EPB41: variants seen among roughly 807,000 people sequenced by gnomAD.
The protein encoded by EPB41 is protein 4.1.
Under a neutral mutation model 108.0 loss-of-function variants are expected in EPB41, and 65 were observed. That is an observed-to-expected ratio of 0.60 (90% CI 0.49 to 0.74). EPB41 has a LOEUF of 0.74. Ranked by LOEUF, EPB41 falls within the 30% of genes least tolerant of loss-of-function variation. The pLI is 0.00. For missense variants in EPB41, 875 were observed against 1,037.0 expected (o/e 0.84, Z 2.15); for synonymous variants, 336 against 358.9 (o/e 0.94, Z 0.72).
chr1:29,080,263 C>T (rs867750848), intron 16 of EPB41, among the ~76,000 whole-genome samples: 302 of 151,900 alleles, frequency 2.0e-3, no homozygotes, highest in African/African-American at 7.0e-3. Context: ...GGATTACAGA[C>T]GCGAACCACC....
chr1:28,999,155 G>A (rs965166762), intron 4 of EPB41, among the ~76,000 whole-genome samples: 2 of 152,158 alleles, frequency 1.3e-5, no homozygotes, highest in African/African-American at 2.4e-5. Flanking sequence ...CGGATCACGA[G>A]GTCAGGAGAT....
At chr1:28,947,323 G>GCTTGAT (rs1260078192) in intron 1 of EPB41, among the ~76,000 whole-genome samples, 12 of 151,492 alleles carry the variant, frequency 7.9e-5, no homozygotes, top group Non-Finnish European at 1.8e-4. Context: ...CAGGAGAATC[G>GCTTGAT]CTTGATCTCG....
chr1:29,037,727 G>A (rs1041011855), intron 10 of EPB41, among the ~76,000 whole-genome samples: 1 of 151,642 alleles, frequency 6.6e-6, no homozygotes, highest in African/African-American at 2.4e-5. Flanking sequence ...AGTAGAGACC[G>A]GGTTTCACCA....
chr1:29,111,848 G>A (rs569214455), intron 18 of EPB41, among the ~76,000 whole-genome samples: 4 of 151,212 alleles, frequency 2.6e-5, no homozygotes, highest in East Asian at 1.9e-4. Context: ...ATGGTGGTGC[G>A]TGCCTGTAGT....
In EPB41 at chr1:29,119,994, TCTTG is replaced by T. The variant is rs1397830183; in HGVS notation, c.*3186_*3189del. 2.0e-5 allele frequency: 3 copies of T among 152,634 alleles called. No individual in the cohort carries two copies. Among genetic ancestry groups the T allele is most frequent in the African/African-American group, 4.8e-5 (2 of 41,446 alleles). 9.5% of individuals were successfully genotyped at this position (152,634 alleles called of 1,614,324 possible). On this transcript the variant is annotated 3_prime_UTR_variant, in exon 21 of 21. Transcript: ENST00000343067. ...TTGTAGTGTTTAGATATCTGTTTGG[TCTTG>T]CTTCTTGTATTGCATTTTTTTCAAT...
intron 1 of EPB41, among the ~76,000 whole-genome samples, chr1:28,969,389 T>C (rs6656832): frequency 0.45 from 67,644 of 151,864 alleles, 17,646 homozygotes; most frequent in East Asian, 0.85. Flanking sequence ...CCAGCCCATG[T>C]CTTACTTTTC....
At chr1:29,002,461 AAAAG>A (rs2096314545) in intron 4 of EPB41, among the ~76,000 whole-genome samples, 1 of 152,044 alleles carries the variant, frequency 6.6e-6, no homozygotes, top group Non-Finnish European at 1.5e-5. Context: ...AAAAAAAAAA[AAAAG>A]ATAGTATTAT....
intron 7 of EPB41, among the ~76,000 whole-genome samples, chr1:29,027,466 G>T (rs548976745): frequency 6.7e-6 from 1 of 150,348 alleles, no homozygotes; most frequent in African/African-American, 2.4e-5. Context: ...CAAGTAGCTG[G>T]GATTACAGGC....
At chr1:29,043,209 GA>G (rs1265228840) in intron 11 of EPB41, among the ~76,000 whole-genome samples, 1 of 152,204 alleles carries the variant, frequency 6.6e-6, no homozygotes, top group African/African-American at 2.4e-5. Context: ...GGGGATGGGG[GA>G]AATTAAGGAG....
At chr1:29,062,627 C>T (rs1446205072) in intron 15 of EPB41, among the ~76,000 whole-genome samples, 1 of 151,734 alleles carries the variant, frequency 6.6e-6, no homozygotes. Context: ...AGGAAGTTCT[C>T]TCAAGTTATC....
chr1:28,901,218 T>C lies in EPB41; in HGVS notation c.-8+14008T>C, dbSNP rs143640559. On this transcript the variant is annotated intron_variant, in intron 1 of 16. Transcript: ENST00000347529. ...TGCTGGGATTACAGGCGTGAGCCAC[T>C]GCACCCGGCTATTTATTTACTTTTT... 9.0e-3 allele frequency among the ~76,000 whole-genome samples: 1,104 copies of C among 123,244 alleles called. 83 individuals are homozygous for C. The highest frequency in any genetic ancestry group is 0.032 in the Middle Eastern group (8 of 252). The allele number at this position is 123,244 out of a possible 152,430, so 80.9% of individuals were successfully genotyped here. A position where few individuals can be genotyped will look rare whatever the true frequency, so the allele number is the denominator to read the frequency against.
intron 1 of EPB41, among the ~76,000 whole-genome samples, chr1:28,949,973 TATA>T (rs1382828407): frequency 6.6e-6 from 1 of 152,224 alleles, no homozygotes; most frequent in Admixed American, 6.5e-5. Flanking sequence ...TTTACTGTGG[TATA>T]ATATTCCATT....
Position 28,987,874 on chromosome 1 carries a change from A to C in EPB41, c.437A>C (p.Asp146Ala). The C allele has an allele frequency of 6.2e-7, 1 of 1,614,210 alleles. No homozygotes were observed. Residue 146 changes from aspartate to alanine, a missense_variant, in exon 2 of 21, where the codon GAT (aspartate) becomes GCT (alanine). Physicochemically the swap from Asp to Ala is moderately radical, Grantham distance 126 (BLOSUM62 -2). Transcript: ENST00000343067. ...GAACTCAAAACAGACCCATCTTTGG[A>C]TCTTCATTCATTAAGCAGTGCAGAA... ...EPELKTDPSL[D>A]LHSLSSAETQ... is the part of the protein sequence containing the mutation.
rs71586885 is a variant in EPB41 at position 29,051,088 on chromosome 1, GTTTTTTTTTTTTT to G, written c.1637-1999_1637-1987del. ...AGCATTTCTTTCTTTTTCTTTTTCT[GTTTTTTTTTTTTT>G]TTTTTTTTTTTTTTTTGGAGACAGT... On this transcript the variant is annotated intron_variant, in intron 11 of 20. Coordinates refer to ENST00000343067, the MANE Select transcript of EPB41 (RefSeq NM_001376013.1). 1.5e-3 allele frequency among the ~76,000 whole-genome samples: 76 copies of G among 51,584 alleles called. 1 individual carries two copies. The highest frequency in any genetic ancestry group is 2.4e-3 in the South Asian group (2 of 822). The allele number at this position is 51,584 out of a possible 152,430, so 33.8% of individuals were successfully genotyped here.
Position 28,993,630 on chromosome 1 carries a change from A to T in EPB41, c.681+88A>T. On this transcript the variant is annotated intron_variant, in intron 3 of 20. Transcript: ENST00000343067. Reference sequence around the variant, plus strand: ...AAGTGGTGATTTTGCCCACGATAAGACTCACTGTAGTGATTATTTCTTTTT... The same window carrying T: ...AAGTGGTGATTTTGCCCACGATAAGTCTCACTGTAGTGATTATTTCTTTTT... The T allele has an allele frequency of 3.6e-6, 4 of 1,126,232 alleles. No individual in the cohort carries two copies. In the Admixed American group the frequency reaches 5.2e-5, roughly 15 times the overall value. The allele number at this position is 1,126,232 out of a possible 1,614,324, so 69.8% of individuals were successfully genotyped here.
chr1:28,963,999 T>C (rs2095294198), intron 1 of EPB41, among the ~76,000 whole-genome samples: 1 of 152,338 alleles, frequency 6.6e-6, no homozygotes, highest in Admixed American at 6.5e-5. Flanking sequence ...TTTTCTTCCA[T>C]CTCAACAAAC....
intron 16 of EPB41, chr1:29,072,644 C>T (rs970780275): frequency 1.3e-5 from 2 of 152,118 alleles, no homozygotes; most frequent in Non-Finnish European, 2.9e-5. Context: ...AAGGAGAGGC[C>T]ATTTCTTCTA....
intron 16 of EPB41, among the ~76,000 whole-genome samples, chr1:29,088,245 C>T (rs1328320949): frequency 6.6e-6 from 1 of 151,996 alleles, no homozygotes; most frequent in Non-Finnish European, 1.5e-5. Context: ...CGGGGTTTCG[C>T]CATGTTGGCT....
At chr1:28,995,203 C>T (rs2096137739) in intron 3 of EPB41, among the ~76,000 whole-genome samples, 1 of 152,004 alleles carries the variant, frequency 6.6e-6, no homozygotes, top group Admixed American at 6.6e-5. Context: ...TCTTCCCATT[C>T]AGACCAAGAT....
Sources: gnomAD v4.1 joint callset for allele counts (sites outside exome capture counted in the v4.1 genomes callset) on GRCh38, gnomAD v4.1.1 for gene constraint, MANE v1.5 for transcripts, NCBI Gene and HGNC (gene_info 2026-07-23, HGNC 2026-07-21) for gene names.